LNX1: variants seen among roughly 807,000 people sequenced by gnomAD.
LNX1 encodes ligand of numb-protein X 1.
LNX1 carries 54 observed loss-of-function variants against 68.4 expected under a neutral mutation model. The observed-to-expected ratio is 0.79, with a 90% CI of 0.63 to 0.99. The LOEUF (loss-of-function observed/expected upper bound fraction) is 0.99. LNX1 is among the 50% of genes least tolerant of loss of function. The probability of loss-of-function intolerance (pLI) is 0.00; values close to 1 mark genes in which losing one functional copy is unlikely to be tolerated. For synonymous variants in LNX1, 336 were observed against 350.0 expected (o/e 0.96, Z 0.45); for missense variants, 906 against 926.4 (o/e 0.98, Z 0.29).
At chr4:53,555,445 A>G (rs1416878172) in intron 2 of LNX1, among the ~76,000 whole-genome samples, 1 of 152,128 alleles carries the variant, frequency 6.6e-6, no homozygotes, top group African/African-American at 2.4e-5. Flanking sequence ...ACCAACATGG[A>G]CAATCTCTAC....
intron 5 of LNX1, chr4:53,496,661 A>C: frequency 5.2e-6 from 2 of 387,090 alleles, no homozygotes; most frequent in Non-Finnish European, 4.6e-6. Context: ...TATTCCCAGA[A>C]TCCTAGCCTT....
At chr4:53,651,408 G>C (rs1022187) in intron 1 of LNX1, among the ~76,000 whole-genome samples, 125,084 of 152,222 alleles carry the variant, frequency 0.82, 51,856 homozygotes, top group African/African-American at 0.94. Context: ...ATTTGTTGAA[G>C]TGAATTCAAT....
At chr4:53,622,719 C>T (rs1401642509) in intron 1 of LNX1, among the ~76,000 whole-genome samples, 1 of 152,004 alleles carries the variant, frequency 6.6e-6, no homozygotes, top group Non-Finnish European at 1.5e-5. Context: ...ACAAGATAGC[C>T]CTAACACAGT....
At chr4:53,493,559 C>T (rs6840530) in intron 6 of LNX1, among the ~76,000 whole-genome samples, 62,496 of 152,094 alleles carry the variant, frequency 0.41, 13,585 homozygotes, top group South Asian at 0.59. Context: ...AGCTACTGTA[C>T]AGGACAGTGC....
chr4:53,642,223 TA>T (rs745476837), intron 1 of LNX1, among the ~76,000 whole-genome samples: 5,251 of 96,250 alleles, frequency 0.055, 332 homozygotes, highest in African/African-American at 0.17. Flanking sequence ...AATCCTATCT[TA>T]AAAAAAAAAA....
intron 2 of LNX1, among the ~76,000 whole-genome samples, chr4:53,600,764 T>C (rs1294279979): frequency 6.6e-6 from 1 of 151,110 alleles, no homozygotes; most frequent in East Asian, 2.0e-4. Flanking sequence ...AGAGTCTCGC[T>C]CTGTTGCCAA....
intron 10 of LNX1, 52 bp from the exon 11 acceptor site, chr4:53,461,094 A>G: frequency 3.5e-6 from 5 of 1,443,946 alleles, no homozygotes; most frequent in Non-Finnish European, 4.7e-6. Flanking sequence ...TCGTTGCTGA[A>G]GTTAATGCAA....
intron 1 of LNX1, among the ~76,000 whole-genome samples, chr4:53,651,758 G>A (rs533332281): frequency 1.4e-4 from 22 of 152,282 alleles, no homozygotes; most frequent in African/African-American, 5.3e-4. Flanking sequence ...ATGAAACAAA[G>A]TCTGTGTGTG....
At chr4:53,627,365 A>G (rs898446791) in intron 1 of LNX1, among the ~76,000 whole-genome samples, 1 of 152,190 alleles carries the variant, frequency 6.6e-6, no homozygotes, top group African/African-American at 2.4e-5. Context: ...TTTGTAAGAA[A>G]AGCGCAGTCA....
intron 9 of LNX1, among the ~76,000 whole-genome samples, chr4:53,469,826 C>A (rs879190530): frequency 2.1e-4 from 32 of 152,148 alleles, no homozygotes; most frequent in Non-Finnish European, 4.3e-4. Context: ...CAATAACAGG[C>A]TCTGAAATTG....
intron 2 of LNX1, among the ~76,000 whole-genome samples, chr4:53,565,429 C>T (rs578196994): frequency 1.3e-5 from 2 of 151,424 alleles, no homozygotes; most frequent in Admixed American, 1.3e-4. Flanking sequence ...AGACCTGCAG[C>T]TGAGGGTCCT....
chr4:53,625,905 T>C (rs1734058611), intron 1 of LNX1, among the ~76,000 whole-genome samples: 3 of 151,078 alleles, frequency 2.0e-5, no homozygotes, highest in Admixed American at 2.0e-4. Context: ...TGAAAATACA[T>C]GTCTACACAT....
chr4:53,584,182 AC>A (rs1440795368), intron 1 of LNX1, among the ~76,000 whole-genome samples: 4 of 152,084 alleles, frequency 2.6e-5, no homozygotes. Context: ...AAAACAGATA[AC>A]CAAGTTTTAC....
chr4:53,521,401 G>T (rs1727206759), intron 2 of LNX1, among the ~76,000 whole-genome samples: 1 of 152,154 alleles, frequency 6.6e-6, no homozygotes, highest in African/African-American at 2.4e-5. Flanking sequence ...GAATAACCAA[G>T]ATATCTCCGA....
At chr4:53,461,892 A>ATGTATTAGCAAAAAGTTGG (rs1177074662) in intron 9 of LNX1, among the ~76,000 whole-genome samples, 1 of 152,128 alleles carries the variant, frequency 6.6e-6, no homozygotes. Context: ...ATGCTTGAAT[A>ATGTATTAGCAAAAAGTTGG]TGTATTAGCA....
chr4:53,635,093 G>A (rs377745098), intron 1 of LNX1, among the ~76,000 whole-genome samples: 12 of 152,238 alleles, frequency 7.9e-5, no homozygotes, highest in Admixed American at 4.6e-4. Flanking sequence ...GTCTTCCAAA[G>A]TGCTGGAATA....
chr4:53,566,297 C>T (rs1406237432), intron 2 of LNX1, among the ~76,000 whole-genome samples: 1 of 151,438 alleles, frequency 6.6e-6, no homozygotes, highest in Non-Finnish European at 1.5e-5. Context: ...AACAGCGGAT[C>T]TCTCTGCAGA....
At chr4:53,524,732 G>A (rs964061555) in intron 2 of LNX1, among the ~76,000 whole-genome samples, 3 of 152,166 alleles carry the variant, frequency 2.0e-5, no homozygotes, top group South Asian at 2.1e-4. Context: ...TGAGCCATTT[G>A]GGTCCTGCAC....
intron 4 of LNX1, among the ~76,000 whole-genome samples, chr4:53,505,075 T>G (rs1725780432): frequency 6.6e-6 from 1 of 152,190 alleles, no homozygotes; most frequent in African/African-American, 2.4e-5. Context: ...AGCTTTCAAT[T>G]TGTAAAAATA....
Sources: gnomAD v4.1 joint callset for allele counts (sites outside exome capture counted in the v4.1 genomes callset) on GRCh38, gnomAD v4.1.1 for gene constraint, MANE v1.5 for transcripts, NCBI Gene and HGNC (gene_info 2026-07-23, HGNC 2026-07-21) for gene names.